Variants in PLBD2 observed in about 807,000 individuals in gnomAD.
PLBD2 encodes the protein putative aminopeptidase PLBD2.
A neutral mutation model predicts 68.3 loss-of-function variants in PLBD2; 51 were observed. The ratio of observed to expected loss-of-function variants is 0.75; its 90% CI spans 0.60 to 0.94. The LOEUF is 0.94. PLBD2 is among the 40% of genes least tolerant of loss of function. The probability of loss-of-function intolerance (pLI) is 0.00; values close to 1 mark genes in which losing one functional copy is unlikely to be tolerated. For missense variants in PLBD2, 729 were observed against 792.2 expected (o/e 0.92, Z 0.96); for synonymous variants, 314 against 339.3 (o/e 0.93, Z 0.82).
intron 5 of PLBD2, among the ~76,000 whole-genome samples, chr12:113,376,011 G>T (rs1452936052): frequency 6.6e-6 from 1 of 151,500 alleles, no homozygotes; most frequent in Non-Finnish European, 1.5e-5. Flanking sequence ...GCATCACCAT[G>T]CCCAGCTAAT....
chr12:113,384,316 A>C lies in PLBD2; in HGVS notation c.1118+51A>C. The C allele has an allele frequency of 6.4e-7, 1 of 1,555,042 alleles. No individual in the cohort carries two copies. On this transcript the variant is annotated intron_variant, in intron 7 of 11. Coordinates refer to ENST00000280800, the MANE Select transcript of PLBD2 (RefSeq NM_173542.4). The surrounding 1 kb of genome is among the most constrained non-coding windows in gnomAD (Gnocchi z 4.2). ...TTCCCCTGCACCAAGAGATAGACCA[A>C]CCTCCCCTTTAACACTCACACTCCT...
At chr12:113,369,831 T>A (rs1193406586) in intron 2 of PLBD2, among the ~76,000 whole-genome samples, 1 of 151,650 alleles carries the variant, frequency 6.6e-6, no homozygotes, top group Non-Finnish European at 1.5e-5. Context: ...TCTGGGATGA[T>A]GAAAATGTTC....
Position 113,380,807 on chromosome 12 carries a change from T to A in PLBD2, c.922T>A (p.Ser308Thr). 6.4e-7 allele frequency: 1 copy of A among 1,556,998 alleles called. No individual in the cohort carries two copies. The highest frequency in any genetic ancestry group is 8.7e-7 in the Non-Finnish European group (1 of 1,150,022). Residue 308 changes from serine to threonine, a missense_variant, in exon 6 of 12, where the codon TCC becomes ACC. Ser to Thr is a moderately conservative substitution (Grantham distance 58). Transcript: ENST00000280800. ...CTCCTCCTACCCCGGCACCATCTTC[T>A]CCTGCGACGACTTCTACATCCTGGG... ...VFSSYPGTIF[S>T]CDDFYILGSG...
In PLBD2 at chr12:113,372,800, G is replaced by A; in HGVS notation, c.536G>A (p.Trp179Ter). 6.2e-7 allele frequency: 1 copy of A among 1,612,960 alleles called. No individual in the cohort carries two copies. The highest frequency in any genetic ancestry group is 8.5e-7 in the Non-Finnish European group (1 of 1,179,878). ...EMESNPDSPY[W>*]HQVRLTLLQL... ...GAGTCAAACCCAGACTCACCTTACT[G>A]GCACCAGGTGAGTCCTGCTGCCACG... is the stretch of plus-strand genomic sequence containing the variant. The change falls in exon 3 of 12, where the codon TGG becomes TAG. Residue 179 changes from tryptophan to a stop codon, truncating the protein, a stop_gained. Coordinates refer to ENST00000280800, the MANE Select transcript of PLBD2 (RefSeq NM_173542.4). LOFTEE classifies it high-confidence loss of function. The surrounding 1 kb of genome is among the most constrained non-coding windows in gnomAD (Gnocchi z 4.2).
intron 2 of PLBD2, among the ~76,000 whole-genome samples, chr12:113,369,466 T>G (rs887207150): frequency 3.3e-5 from 5 of 152,198 alleles, no homozygotes; most frequent in Non-Finnish European, 1.5e-5. Flanking sequence ...AAATAGTATG[T>G]TGTTCAGGGA....
chr12:113,387,846 C>T lies in PLBD2; in HGVS notation c.1542C>T (p.Ala514=). 1 of 1,614,246 alleles carries T rather than the reference C, an allele frequency of 6.2e-7. No homozygotes were observed. Among genetic ancestry groups the T allele is most frequent in the Non-Finnish European group, 8.5e-7 (1 of 1,180,032 alleles). The change falls in exon 11 of 12, where the codon GCC becomes GCT. Residue 514 remains alanine (A), a synonymous_variant. Transcript: ENST00000280800. ...AISARSDLNP[A]NGSYPFQALR... ...CCGCCCGCTCCGACCTCAACCCGGC[C>T]AATGGCTCCTACCCCTTCCAGGCCC...
chr12:113,380,971 C>T, intron 6 of PLBD2, 129 bp downstream of exon 6: 1 of 861,176 alleles, frequency 1.2e-6, no homozygotes, highest in East Asian at 2.7e-5. Flanking sequence ...CATGTAGGAG[C>T]CAGGGGTGCA....
At chr12:113,381,151 G>A (rs1957486463) in intron 6 of PLBD2, among the ~76,000 whole-genome samples, 1 of 152,122 alleles carries the variant, frequency 6.6e-6, no homozygotes, top group Admixed American at 6.6e-5. Context: ...TGTAACCCTG[G>A]TTGTCAGGAA....
intron 1 of PLBD2, among the ~76,000 whole-genome samples, chr12:113,363,570 G>A (rs373621555): frequency 2.4e-5 from 3 of 124,522 alleles, no homozygotes; most frequent in East Asian, 4.5e-4. Flanking sequence ...GTGGAGTCTC[G>A]CCCTGTTGCC....
At position 113,374,912 on chromosome 12, in the gene PLBD2, GT is replaced by G. The variant is rs1411248622; in HGVS notation, c.765del (p.Ser255ArgfsTer66). 6.2e-7 allele frequency: 1 copy of G among 1,614,132 alleles called. No homozygotes were observed. ...CTCATCAAGCTGCTCCCTGGCCAGA[GT>G]GACCTCCTGGTTGCCCACAACACCT... ...SALIKLLPGQ[S>X]DLLVAHNTWN... is the part of the protein sequence containing the mutation. On this transcript the variant is annotated frameshift_variant, in exon 5 of 12. Coordinates refer to ENST00000280800, the MANE Select transcript of PLBD2 (RefSeq NM_173542.4).
intron 1 of PLBD2, among the ~76,000 whole-genome samples, chr12:113,359,678 G>A (rs1451566545): frequency 1.3e-5 from 2 of 152,220 alleles, no homozygotes; most frequent in Admixed American, 1.3e-4. Flanking sequence ...TAGTTGGGTG[G>A]TCATGTGCTG....
chr12:113,365,461 G>A (rs1957334516), intron 1 of PLBD2, among the ~76,000 whole-genome samples: 1 of 151,600 alleles, frequency 6.6e-6, no homozygotes, highest in African/African-American at 2.4e-5. Context: ...CTACAGGCAC[G>A]CACCACTACA....
Position 113,361,383 on chromosome 12 carries a change from A to C in PLBD2, c.290+2493A>C, listed in dbSNP as rs527417490. Among the ~76,000 whole-genome samples, 8 of 127,790 alleles carry C rather than the reference A, an allele frequency of 6.3e-5. No individual in the cohort carries two copies. In the South Asian group the frequency reaches 1.4e-3, roughly 23 times the overall value. The allele number at this position is 127,790 out of a possible 152,430, so 83.8% of individuals were successfully genotyped here. A position where few individuals can be genotyped will look rare whatever the true frequency, so the allele number is the denominator to read the frequency against. On this transcript the variant is annotated intron_variant, in intron 1 of 11. Coordinates refer to ENST00000280800, the MANE Select transcript of PLBD2 (RefSeq NM_173542.4). ...GAGACAGGGTCTCCCTGTGTTATCC[A>C]GGCTCGAGTGCAGTGGTATGATCAT...
chr12:113,388,766 G>C lies in PLBD2; in HGVS notation c.*140G>C. On this transcript the variant is annotated 3_prime_UTR_variant, in exon 12 of 12. Coordinates refer to ENST00000280800, the MANE Select transcript of PLBD2 (RefSeq NM_173542.4). The stretch of plus-strand genomic sequence containing the variant: ...CTGGGGTCTGAGTCATCTCCTCCTA[G>C]AGTGGGTCACGAACCTGATGGGGCT... 1 of 957,984 alleles carries C rather than the reference G, an allele frequency of 1.0e-6. No individual in the cohort carries two copies. The highest frequency in any genetic ancestry group is 1.5e-6 in the Non-Finnish European group (1 of 679,312). 59.3% of individuals were successfully genotyped at this position (957,984 alleles called of 1,614,324 possible).
At position 113,374,862 on chromosome 12, in the gene PLBD2, T is replaced by G. The variant is rs1010673096; in HGVS notation, c.714T>G (p.Ser238=). 1 of 1,613,946 alleles carries G rather than the reference T, an allele frequency of 6.2e-7. No homozygotes were observed. The highest frequency in any genetic ancestry group is 2.2e-5 in the East Asian group (1 of 44,878). The change falls in exon 5 of 12, where the codon TCT becomes TCG. Residue 238 remains serine, a synonymous_variant. Coordinates refer to ENST00000280800, the MANE Select transcript of PLBD2 (RefSeq NM_173542.4). ...LALNKTKIKP[S]LGSGSCSALI... is the part of the protein sequence containing the mutation. ...TGAACAAGACCAAGATCAAACCTTCTCTGGGCTCTGGCTCCTGTTCTGCCC... is the reference window on the plus strand; with the variant it reads ...TGAACAAGACCAAGATCAAACCTTCGCTGGGCTCTGGCTCCTGTTCTGCCC...
At chr12:113,371,184 A>G (rs1957386693) in intron 2 of PLBD2, among the ~76,000 whole-genome samples, 2 of 152,234 alleles carry the variant, frequency 1.3e-5, no homozygotes, top group Non-Finnish European at 1.5e-5. Flanking sequence ...CAACTTGTGG[A>G]GTTGAACCTG....
chr12:113,365,592 C>T (rs977188231), intron 1 of PLBD2, among the ~76,000 whole-genome samples: 2 of 152,010 alleles, frequency 1.3e-5, no homozygotes, highest in Non-Finnish European at 2.9e-5. Context: ...GGATTACAGG[C>T]GTGAGCCACC....
In PLBD2 at chr12:113,388,564, C is replaced by T; in HGVS notation, c.1708C>T (p.Leu570=). Reference sequence around the variant, plus strand: ...GTGGAGCACCTCGCCCTTCAGCGGCCTGCTGCACATGGGCCAGCCAGACCT... The same window carrying T: ...GTGGAGCACCTCGCCCTTCAGCGGCTTGCTGCACATGGGCCAGCCAGACCT... ...FQWSTSPFSG[L]LHMGQPDLWK... Residue 570 remains leucine, a synonymous_variant, in exon 12 of 12, where the codon CTG becomes TTG. Transcript: ENST00000280800. 2 of 1,611,108 alleles carry T rather than the reference C, an allele frequency of 1.2e-6. No individual in the cohort carries two copies. The highest frequency in any genetic ancestry group is 1.7e-6 in the Non-Finnish European group (2 of 1,178,356).
rs562734455 is a variant in PLBD2 at position 113,369,104 on chromosome 12, C to T, written c.291-12C>T. The T allele has an allele frequency of 3.5e-5, 55 of 1,577,638 alleles. No homozygotes were observed. In the South Asian group the frequency reaches 6.0e-4, roughly 17 times the overall value. On this transcript the variant is annotated splice_polypyrimidine_tract_variant and intron_variant, in intron 1 of 11. Coordinates refer to ENST00000280800, the MANE Select transcript of PLBD2 (RefSeq NM_173542.4). ...TCTGCTGCTGACTGAGTGTCCCCTC[C>T]TTCCCCTCCAGGTGGGCCTTCCTGG... is the stretch of plus-strand genomic sequence containing the variant.
Sources: gnomAD v4.1 joint callset for allele counts (sites outside exome capture counted in the v4.1 genomes callset) on GRCh38, gnomAD v4.1.1 for gene constraint, Gnocchi (gnomAD v3.1) non-coding constraint, MANE v1.5 for transcripts, NCBI Gene and HGNC (gene_info 2026-07-23, HGNC 2026-07-21) for gene names.